DIAPH2: variants seen among roughly 807,000 people sequenced by gnomAD.
DIAPH2 encodes diaphanous related formin 2.
Under a neutral mutation model 92.7 loss-of-function variants are expected in DIAPH2, and 35 were observed. The observed-to-expected ratio is 0.38, with a 90% confidence interval of 0.29 to 0.50. The LOEUF is 0.50. DIAPH2 is among the 20% of genes least tolerant of loss of function. The pLI, the probability that DIAPH2 is intolerant of heterozygous loss-of-function variation, is 0.94. For missense variants in DIAPH2, 701 were observed against 819.5 expected, an observed-to-expected ratio of 0.86 and a Z score of 1.77; for synonymous variants, 301 against 280.4, an observed-to-expected ratio of 1.07 and a Z score of -0.73.
intron 22 of DIAPH2, among the ~76,000 whole-genome samples, chrX:97,240,834 A>G (rs1355659411): frequency 9.0e-6 from 1 of 111,506 alleles, no homozygotes; most frequent in Non-Finnish European, 1.9e-5. Context: ...ACTTTATCAA[A>G]TCATTTAACC....
At chrX:97,129,108 T>TTTCTTTTCTTTTCTC (rs2067114426) in intron 21 of DIAPH2, among the ~76,000 whole-genome samples, 1 of 66,678 alleles carries the variant, frequency 1.5e-5, no homozygotes, top group South Asian at 7.6e-4. Context: ...TTTCTTTTCT[T>TTTCTTTTCTTTTCTC]TTCTTTTCTT....
At chrX:97,055,009 T>TTTTA (rs201638453) in intron 17 of DIAPH2, among the ~76,000 whole-genome samples, 3,986 of 110,173 alleles carry the variant, frequency 0.036, 88 homozygotes, top group African/African-American at 0.063. Context: ...TTCTTTTTAA[T>TTTTA]TTTATTTATT....
In DIAPH2 at chrX:96,957,953, A is replaced by G. The variant is rs1205275835; in HGVS notation, c.1740A>G (p.Pro580=). 41 of 1,210,012 alleles carry G rather than the reference A, an allele frequency of 3.4e-5. No homozygotes were observed. Among genetic ancestry groups the G allele is most frequent in the Non-Finnish European group, 4.4e-5 (39 of 894,753 alleles). The change falls in exon 16 of 27, where the codon CCA becomes CCG. Residue 580 remains proline, a synonymous_variant. Transcript: ENST00000324765. ...CCGGAGGAGCTCCTCTTCCTCCTCC[A>G]CCACCTCCTTTACCTGGAATGATGG... ...PLPGGAPLPP[P]PPPLPGMMGI...
intron 22 of DIAPH2, among the ~76,000 whole-genome samples, chrX:97,202,451 T>C (rs1301817320): frequency 1.8e-5 from 2 of 110,148 alleles, no homozygotes; most frequent in Non-Finnish European, 3.8e-5. Context: ...AGGCTCAAAA[T>C]AAAGGGATGG....
rs190936247 is a variant in DIAPH2 at position 96,806,982 on chromosome X, T to C, written c.447+48724T>C. ...TGGTCTCGATCTCCTGACCTGGGGATCCACCCGCCTCAGCCTCCTGAAGTG... is the reference window on the plus strand; with the variant it reads ...TGGTCTCGATCTCCTGACCTGGGGACCCACCCGCCTCAGCCTCCTGAAGTG... On this transcript the variant is annotated intron_variant, in intron 4 of 26. Coordinates refer to ENST00000324765, the MANE Select transcript of DIAPH2 (RefSeq NM_006729.5). 7.1e-3 allele frequency among the ~76,000 whole-genome samples: 797 copies of C among 111,723 alleles called. 6 individuals are homozygous for C. Among genetic ancestry groups the C allele is most frequent in the African/African-American group, 0.025 (771 of 30,801 alleles).
intron 22 of DIAPH2, among the ~76,000 whole-genome samples, chrX:97,173,540 C>T (rs2067469091): frequency 8.9e-6 from 1 of 111,913 alleles, no homozygotes; most frequent in Non-Finnish European, 1.9e-5. Flanking sequence ...TGGATGCATA[C>T]TTATATGTAT....
intron 11 of DIAPH2, 22 bp from the exon 12 acceptor site, chrX:96,939,244 A>T (rs764061837): frequency 2.8e-6 from 2 of 710,040 alleles, no homozygotes; most frequent in East Asian, 7.0e-5. Flanking sequence ...AGGATCTTTA[A>T]TATTTTTCCT....
chrX:97,367,948 C>T (rs372437383), intron 24 of DIAPH2, among the ~76,000 whole-genome samples: 126 of 111,545 alleles, frequency 1.1e-3, no homozygotes, highest in African/African-American at 3.5e-3. Flanking sequence ...TCAGGTGATC[C>T]GAGTGCCTCG....
chrX:97,374,160 G>C (rs545920934), intron 24 of DIAPH2, among the ~76,000 whole-genome samples: 1 of 111,275 alleles, frequency 9.0e-6, no homozygotes, highest in Non-Finnish European at 1.9e-5. Flanking sequence ...AAAATTAAAG[G>C]GTGGGACAGG....
chrX:97,058,436 C>T (rs2066572755), intron 17 of DIAPH2, among the ~76,000 whole-genome samples: 1 of 103,029 alleles, frequency 9.7e-6, no homozygotes, highest in African/African-American at 3.5e-5. Flanking sequence ...TCTGTATGAT[C>T]TGAAATGGCC....
At chrX:97,110,506 A>G (rs1324196888) in intron 20 of DIAPH2, among the ~76,000 whole-genome samples, 1 of 111,945 alleles carries the variant, frequency 8.9e-6, no homozygotes, top group Non-Finnish European at 1.9e-5. Flanking sequence ...CTTGAAGTAC[A>G]TAAAATTATG....
At chrX:97,526,593 G>A (rs1006590403) in intron 26 of DIAPH2, among the ~76,000 whole-genome samples, 2 of 110,856 alleles carry the variant, frequency 1.8e-5, no homozygotes, top group African/African-American at 3.3e-5. Context: ...TCCAAAGTGT[G>A]TTACTCCTTC....
chrX:96,928,353 A>G (rs2065597476), intron 9 of DIAPH2, among the ~76,000 whole-genome samples: 1 of 111,307 alleles, frequency 9.0e-6, no homozygotes, highest in Non-Finnish European at 1.9e-5. Flanking sequence ...GTATTTAGCT[A>G]TGAATTCAGG....
At chrX:96,886,625 C>A (rs2065264131) in intron 5 of DIAPH2, among the ~76,000 whole-genome samples, 1 of 111,483 alleles carries the variant, frequency 9.0e-6, no homozygotes, top group South Asian at 3.7e-4. Flanking sequence ...TTTGAAAATT[C>A]TGGTCTTCAT....
chrX:96,962,288 T>C lies in DIAPH2; in HGVS notation c.1936-2805T>C, dbSNP rs368289378. Among the ~76,000 whole-genome samples, 178 of 63,452 alleles carry C rather than the reference T, an allele frequency of 2.8e-3. 3 individuals carry two copies. The highest frequency in any genetic ancestry group is 0.011 in the East Asian group (28 of 2,514). 55.1% of individuals were successfully genotyped at this position (63,452 alleles called of 115,157 possible). ...ATATATATATACATATATATATACA[T>C]ATATATATATACATATATATATACA... On this transcript the variant is annotated intron_variant, in intron 16 of 26. Coordinates refer to ENST00000324765, the MANE Select transcript of DIAPH2 (RefSeq NM_006729.5).
intron 22 of DIAPH2, among the ~76,000 whole-genome samples, chrX:97,169,292 A>G (rs2067434757): frequency 9.0e-6 from 1 of 111,529 alleles, no homozygotes; most frequent in Non-Finnish European, 1.9e-5. Flanking sequence ...CTGGTTGATA[A>G]CAGAAACCCA....
In DIAPH2 at chrX:97,460,087, A is replaced by G. The variant is rs539489586; in HGVS notation, c.3241+30342A>G. ...CAGCCACAAAAATTCAGGCCCGCAG[A>G]CAATTTGAATGGTGAACAAGCAGGG... is the stretch of plus-strand genomic sequence containing the variant. On this transcript the variant is annotated intron_variant, in intron 26 of 26. Transcript: ENST00000324765. Among the ~76,000 whole-genome samples the G allele has an allele frequency of 3.6e-5, 4 of 111,796 alleles. No individual in the cohort carries two copies. In the East Asian group the frequency reaches 1.1e-3, roughly 31 times the overall value.
At chrX:96,714,414 G>A (rs1471325322) in intron 1 of DIAPH2, among the ~76,000 whole-genome samples, 7 of 109,792 alleles carry the variant, frequency 6.4e-5, no homozygotes, top group African/African-American at 1.3e-4. Flanking sequence ...ACAGGCATGC[G>A]CCACCACACC....
chrX:97,171,834 G>A (rs2067456226), intron 22 of DIAPH2, among the ~76,000 whole-genome samples: 2 of 110,222 alleles, frequency 1.8e-5, no homozygotes, highest in South Asian at 7.9e-4. Flanking sequence ...CAGCTACTCG[G>A]GAGGCTGAGG....
Sources: allele counts gnomAD v4.1 joint callset (sites outside exome capture counted in the v4.1 genomes callset), GRCh38; gene constraint gnomAD v4.1.1; transcripts MANE v1.5; gene names NCBI Gene and HGNC (gene_info 2026-07-23, HGNC 2026-07-21).